MT1F: variants seen among roughly 807,000 people sequenced by gnomAD.
The protein encoded by MT1F is metallothionein-1F.
In MT1F, 6 loss-of-function variants were observed where a neutral mutation model predicts 5.4. That is an observed-to-expected ratio of 1.11 (90% CI 0.61 to 2.19). The LOEUF is 2.19. MT1F is among the 30% of genes most tolerant of loss of function. The pLI is 0.00. For synonymous variants in MT1F, 28 were observed against 28.3 expected (o/e 0.99, Z 0.04); for missense variants, 82 against 77.0 (o/e 1.07, Z -0.24).
rs118187843 is a variant in MT1F, at chr16:56,658,752, G to A, written c.94+12G>A. On this transcript the variant is annotated intron_variant, in intron 2 of 2. Transcript: ENST00000334350. ...CTCCTGCAAGAAGAGTGAGTGTGAG[G>A]CCATCTCCATGGTCTGGGGCTGTGG... is the stretch of plus-strand genomic sequence containing the variant. 1 of 1,614,198 alleles carries A rather than the reference G, an allele frequency of 6.2e-7. No homozygotes were observed. The highest frequency in any genetic ancestry group is 2.2e-5 in the East Asian group (1 of 44,872).
rs537331963 is a variant in MT1F at position 56,658,069 on chromosome 16, A to G, written c.11A>G (p.Asn4Ser). ...TCTCCTCGGCTTGCAATGGACCCCA[A>G]CTGCTCCTGCGCCGCTGGTAAGGAA... The part of the protein sequence containing the change: MDP[N>S]CSCAAGVSCT... Residue 4 changes from asparagine (N) to serine (S), a missense_variant, in exon 1 of 3, where the codon AAC (asparagine) becomes AGC (serine). Asn to Ser is a conservative substitution (Grantham distance 46). Coordinates refer to ENST00000334350, the MANE Select transcript of MT1F (RefSeq NM_005949.4). The G allele has an allele frequency of 1.4e-5, 23 of 1,613,960 alleles. No homozygotes were observed. The highest frequency in any genetic ancestry group is 1.6e-4 in the Middle Eastern group (1 of 6,082).
rs1457075169 is a variant in MT1F at position 56,659,083 on chromosome 16, C to T, written c.105C>T (p.Ser35=). The change falls in exon 3 of 3, where the codon TCC becomes TCT. Residue 35 remains serine (S), a synonymous_variant. Transcript: ENST00000334350. ...CCTCTTCTTCCCCAGGCTGCTGCTC[C>T]TGCTGCCCCGTGGGCTGTAGCAAGT... The part of the protein sequence containing the change: ...KCTSCKKSCC[S]CCPVGCSKCA... The T allele has an allele frequency of 5.6e-6, 9 of 1,613,838 alleles. No individual in the cohort carries two copies. Among genetic ancestry groups the T allele is most frequent in the African/African-American group, 4.0e-5 (3 of 75,014 alleles).
chr16:56,658,983 G>T (rs1960657612), intron 2 of MT1F, 90 bp from the exon 3 acceptor site: 1 of 1,218,416 alleles, frequency 8.2e-7, no homozygotes. Flanking sequence ...AGGGTCCTTT[G>T]TGGCTGGAGG....
At position 56,659,206 on chromosome 16, in the gene MT1F, G is replaced by A. The variant is rs1254970469; in HGVS notation, c.*42G>A. On this transcript the variant is annotated 3_prime_UTR_variant, in exon 3 of 3. Transcript: ENST00000334350. Reference sequence around the variant, plus strand: ...CTCCCAGATGTAAACAGAGAGACATGTACAAACCTGGATTTTTTTTTTATA... The same window carrying A: ...CTCCCAGATGTAAACAGAGAGACATATACAAACCTGGATTTTTTTTTTATA... The A allele has an allele frequency of 3.8e-6, 6 of 1,598,156 alleles. No homozygotes were observed. In the Admixed American group the frequency reaches 6.9e-5, roughly 18 times the overall value.
chr16:56,658,593 G>A, intron 1 of MT1F, 82 bp from the exon 2 acceptor site: 2 of 1,404,990 alleles, frequency 1.4e-6, no homozygotes, highest in Non-Finnish European at 2.0e-6. Context: ...CAGAGGAGGG[G>A]GCAATGGAGA....
intron 1 of MT1F, chr16:56,658,424 G>A (rs763070673): frequency 6.7e-6 from 4 of 596,554 alleles, no homozygotes; most frequent in East Asian, 2.8e-5. Flanking sequence ...AGGACAGAAA[G>A]TCGAAGTCGC....
intron 2 of MT1F, 64 bp from the exon 3 acceptor site, chr16:56,659,009 C>A: frequency 3.5e-6 from 5 of 1,443,014 alleles, no homozygotes; most frequent in Non-Finnish European, 9.7e-7. Flanking sequence ...TTGGGGGCCT[C>A]TGTTGGGGAG....
chr16:56,659,037 T>A, intron 2 of MT1F, 36 bp from the exon 3 acceptor site: 2 of 1,594,876 alleles, frequency 1.3e-6, no homozygotes, highest in Non-Finnish European at 1.7e-6. Flanking sequence ...CCTGGGCAAG[T>A]TGGCTGTGAC....
rs2144340331 is a variant in MT1F, at chr16:56,659,096, G to T, written c.118G>T (p.Gly40Cys). 1 of 1,613,998 alleles carries T rather than the reference G, an allele frequency of 6.2e-7. No individual in the cohort carries two copies. Among genetic ancestry groups the T allele is most frequent in the Non-Finnish European group, 8.5e-7 (1 of 1,179,994 alleles). Residue 40 changes from glycine (G) to cysteine (C), a missense_variant, in exon 3 of 3, where the codon GGC becomes TGC. Gly to Cys is a radical substitution (Grantham distance 159). Coordinates refer to ENST00000334350, the MANE Select transcript of MT1F (RefSeq NM_005949.4). The stretch of plus-strand genomic sequence containing the variant: ...AGGCTGCTGCTCCTGCTGCCCCGTG[G>T]GCTGTAGCAAGTGTGCCCAGGGCTG... The part of the protein sequence containing the change: ...KKSCCSCCPV[G>C]CSKCAQGCVC...
At chr16:56,658,441 C>A (rs1960648225) in intron 1 of MT1F, 2 of 602,578 alleles carry the variant, frequency 3.3e-6, no homozygotes, top group Non-Finnish European at 5.9e-6. Context: ...TCGCCGTCTT[C>A]CCAGGCTGTG....
intron 1 of MT1F, chr16:56,658,425 T>A (rs142891911): frequency 6.5e-5 from 39 of 596,406 alleles, no homozygotes; most frequent in African/African-American, 5.8e-4. Context: ...GGACAGAAAG[T>A]CGAAGTCGCC....
chr16:56,659,049 T>C (rs1230948503), intron 2 of MT1F, 24 bp from the exon 3 acceptor site: 2 of 1,608,876 alleles, frequency 1.2e-6, no homozygotes, highest in East Asian at 4.5e-5. Flanking sequence ...GGCTGTGACC[T>C]CTCATGCTCC....
At chr16:56,658,387 G>A (rs1401897985) in intron 1 of MT1F, 4 of 588,420 alleles carry the variant, frequency 6.8e-6, no homozygotes, top group African/African-American at 1.9e-5. Flanking sequence ...TAGATAGGAG[G>A]CAGGGGACAT....
intron 2 of MT1F, 159 bp from the exon 3 acceptor site, chr16:56,658,913 GA>G: frequency 9.4e-7 from 1 of 1,060,930 alleles, no homozygotes. Context: ...TTTCTCATAG[GA>G]AGACCCACCC....
intron 1 of MT1F, 83 bp from the exon 2 acceptor site, chr16:56,658,592 G>A: frequency 4.3e-6 from 6 of 1,397,178 alleles, no homozygotes; most frequent in Non-Finnish European, 6.1e-6. Flanking sequence ...ACAGAGGAGG[G>A]GGCAATGGAG....
At chr16:56,658,379 G>A in intron 1 of MT1F, 1 of 587,932 alleles carries the variant, frequency 1.7e-6, no homozygotes, top group South Asian at 2.1e-5. Flanking sequence ...AGCAGGATTA[G>A]ATAGGAGGCA....
At chr16:56,658,381 T>C in intron 1 of MT1F, 1 of 586,634 alleles carries the variant, frequency 1.7e-6, no homozygotes, top group South Asian at 2.1e-5. Context: ...CAGGATTAGA[T>C]AGGAGGCAGG....
intron 2 of MT1F, 44 bp from the exon 3 acceptor site, chr16:56,659,029 T>C (rs1171247354): frequency 2.6e-6 from 4 of 1,566,112 alleles, no homozygotes; most frequent in Non-Finnish European, 3.5e-6. Flanking sequence ...GGGAGGTCCC[T>C]GGGCAAGTTG....
At position 56,658,075 on chromosome 16, in the gene MT1F, C is replaced by T. The variant is rs1366192707; in HGVS notation, c.17C>T (p.Ser6Phe). 2 of 1,614,164 alleles carry T rather than the reference C, an allele frequency of 1.2e-6. No individual in the cohort carries two copies. The highest frequency in any genetic ancestry group is 2.2e-5 in the East Asian group (1 of 44,872). ...CGGCTTGCAATGGACCCCAACTGCT[C>T]CTGCGCCGCTGGTAAGGAACGCCGG... MDPNC[S>F]CAAGVSCTCA... Residue 6 changes from serine to phenylalanine, a missense_variant, in exon 1 of 3, where the codon TCC (serine) becomes TTC (phenylalanine). By Grantham distance (155) the Ser-to-Phe change is radical (BLOSUM62 -2). Transcript: ENST00000334350.
Sources: allele counts gnomAD v4.1 joint callset, GRCh38; gene constraint gnomAD v4.1.1; transcripts MANE v1.5; gene names NCBI Gene and HGNC (gene_info 2026-07-23, HGNC 2026-07-21).